TMCC2: variants seen among roughly 807,000 people sequenced by gnomAD.
The protein encoded by TMCC2 is transmembrane and coiled-coil domains protein 2.
In TMCC2, 16 loss-of-function variants were observed where a neutral mutation model predicts 49.4. That is an observed-to-expected ratio of 0.32 (90% CI 0.22 to 0.49). TMCC2 has a LOEUF of 0.49. Among genes scored for constraint, TMCC2 ranks in the 20% least tolerant of loss-of-function variants. The probability of loss-of-function intolerance (pLI) is 0.99; values close to 1 mark genes in which losing one functional copy is unlikely to be tolerated. For missense variants in TMCC2, 762 were observed against 989.8 expected (o/e 0.77, Z 3.09); for synonymous variants, 397 against 434.1 (o/e 0.91, Z 1.06).
chr1:205,243,338 C>A (rs1451130187), intron 2 of TMCC2, among the ~76,000 whole-genome samples: 1 of 151,956 alleles, frequency 6.6e-6, no homozygotes, highest in South Asian at 2.1e-4. Flanking sequence ...GAGCCAAGAT[C>A]GAGCCACTGC....
Position 205,271,135 on chromosome 1 carries a change from G to C in TMCC2, c.1698G>C (p.Glu566Asp). Residue 566 changes from glutamate to aspartate, a missense_variant, in exon 4 of 5, where the codon GAG becomes GAC. By Grantham distance (45) the Glu-to-Asp change is conservative. This residue lies in a region of TMCC2 where 440 missense variants were observed against 636.7 expected (regional missense o/e 0.69). Coordinates refer to ENST00000358024, the MANE Select transcript of TMCC2 (RefSeq NM_014858.4). ...CCTCCGCCAGGTACGAGCGGCTGGA[G>C]GAGCAGCTCAACGACCTGACTGAGC... is the stretch of plus-strand genomic sequence containing the variant. ...QEERYRYERL[E>D]EQLNDLTELH... 2 of 1,612,834 alleles carry C rather than the reference G, an allele frequency of 1.2e-6. No individual in the cohort carries two copies. Among genetic ancestry groups the C allele is most frequent in the Non-Finnish European group, 1.7e-6 (2 of 1,179,938 alleles).
intron 2 of TMCC2, among the ~76,000 whole-genome samples, chr1:205,248,690 A>G (rs1660549938): frequency 1.3e-5 from 2 of 151,592 alleles, no homozygotes; most frequent in Non-Finnish European, 2.9e-5. Context: ...CTCAGAAAAC[A>G]GATGAGGTCC....
rs776269399 is a variant in TMCC2 at position 205,268,859 on chromosome 1, C to T, written c.748-91C>T. On this transcript the variant is annotated intron_variant, in intron 2 of 4. Transcript: ENST00000358024. The stretch of plus-strand genomic sequence containing the variant: ...TCTTTTGGACTCCTGCATCCATTTT[C>T]TAGATAGAAAAACCAAGTCCAGAGG... 3.2e-6 allele frequency: 4 copies of T among 1,268,096 alleles called. No homozygotes were observed. In the African/African-American group the frequency reaches 4.5e-5, roughly 14 times the overall value. 78.6% of individuals were successfully genotyped at this position (1,268,096 alleles called of 1,614,324 possible).
At position 205,228,443 on chromosome 1, in the gene TMCC2, G is replaced by T; in HGVS notation, c.-122G>T. On this transcript the variant is annotated 5_prime_UTR_variant, in exon 1 of 5. Coordinates refer to ENST00000358024, the MANE Select transcript of TMCC2 (RefSeq NM_014858.4). ...TTTTTAATTCAAGAAATTGTGGTCTGCCATCTCCCCTCCTTGTTAATAATT... is the reference window on the plus strand; with the variant it reads ...TTTTTAATTCAAGAAATTGTGGTCTTCCATCTCCCCTCCTTGTTAATAATT... The T allele has an allele frequency of 1.3e-6, 1 of 778,712 alleles. No homozygotes were observed. The allele number at this position is 778,712 out of a possible 1,614,324, so 48.2% of individuals were successfully genotyped here.
intron 1 of TMCC2, among the ~76,000 whole-genome samples, chr1:205,232,127 C>T (rs1214724545): frequency 6.6e-6 from 1 of 152,104 alleles, no homozygotes; most frequent in Non-Finnish European, 1.5e-5. Flanking sequence ...TCTTACTGTA[C>T]ACTGTAAATT....
At chr1:205,237,680 C>T (rs115412353) in intron 1 of TMCC2, among the ~76,000 whole-genome samples, 1,669 of 152,348 alleles carry the variant, frequency 0.011, 30 homozygotes, top group African/African-American at 0.038. Context: ...GAGCAAACTT[C>T]CCCTTTGGGG....
intron 1 of TMCC2, chr1:205,229,154 TGTGTGTGTGTG>T (rs1325595774): frequency 2.4e-4 from 2 of 8,474 alleles, no homozygotes; most frequent in Admixed American, 0.017. Context: ...TTGGGATCTT[TGTGTGTGTGTG>T]TGTGTGTGTG....
chr1:205,243,968 C>A (rs1479065831), intron 2 of TMCC2, among the ~76,000 whole-genome samples: 1 of 152,196 alleles, frequency 6.6e-6, no homozygotes, highest in Non-Finnish European at 1.5e-5. Context: ...AGTAAACTTG[C>A]AGCAAAGCAA....
In TMCC2 at chr1:205,269,633, T is replaced by G; in HGVS notation, c.1431T>G (p.Asp477Glu). 6.2e-7 allele frequency: 1 copy of G among 1,613,698 alleles called. No homozygotes were observed. Among genetic ancestry groups the G allele is most frequent in the Non-Finnish European group, 8.5e-7 (1 of 1,179,930 alleles). ...LVSSPKYGSDDECSSASASSA... is the reference protein window; with the variant it reads ...LVSSPKYGSDEECSSASASSA... Reference sequence around the variant, plus strand: ...CCAGCCCCAAGTATGGCAGCGATGATGAGTGCTCCAGCGCCAGCGCCAGCT... The same window carrying G: ...CCAGCCCCAAGTATGGCAGCGATGAGGAGTGCTCCAGCGCCAGCGCCAGCT... The change falls in exon 3 of 5, where the codon GAT (aspartate) becomes GAG (glutamate). Residue 477 changes from aspartate to glutamate, a missense_variant. This residue lies in a region of TMCC2 where 440 missense variants were observed against 636.7 expected (regional missense o/e 0.69). Transcript: ENST00000358024.
At chr1:205,260,126 C>A (rs1661045712) in intron 2 of TMCC2, among the ~76,000 whole-genome samples, 1 of 152,190 alleles carries the variant, frequency 6.6e-6, no homozygotes, top group Admixed American at 6.5e-5. Context: ...CTTGCCCAGC[C>A]CATTCACAAG....
intron 4 of TMCC2, among the ~76,000 whole-genome samples, chr1:205,271,565 G>A (rs1661594120): frequency 6.6e-6 from 1 of 152,218 alleles, no homozygotes; most frequent in Admixed American, 6.5e-5. Flanking sequence ...GCCTCAAGAG[G>A]GAGCCAGCTG....
At chr1:205,243,462 G>A (rs919213261) in intron 2 of TMCC2, among the ~76,000 whole-genome samples, 1 of 152,236 alleles carries the variant, frequency 6.6e-6, no homozygotes, top group South Asian at 2.1e-4. Flanking sequence ...AGACTTTGGA[G>A]CTAGTGCAGT....
rs1290861119 is a variant in TMCC2 at position 205,272,822 on chromosome 1, C to G, written c.*698C>G. The G allele has an allele frequency of 6.5e-6, 1 of 152,808 alleles. No individual in the cohort carries two copies. The highest frequency in any genetic ancestry group is 1.5e-5 in the Non-Finnish European group (1 of 68,194). The allele number at this position is 152,808 out of a possible 1,614,324, so 9.5% of individuals were successfully genotyped here. A position where few individuals can be genotyped will look rare whatever the true frequency, so the allele number is the denominator to read the frequency against. On this transcript the variant is annotated 3_prime_UTR_variant, in exon 5 of 5. Transcript: ENST00000358024. The stretch of plus-strand genomic sequence containing the variant: ...GATCTGTTATTTTCAGGGAAACAGG[C>G]CCCAGGGCCCCCCTGAGCCTCACCC...
In TMCC2 at chr1:205,273,259, G is replaced by C. The variant is rs1661667971; in HGVS notation, c.*1135G>C. The C allele has an allele frequency of 6.6e-6, 1 of 152,204 alleles. No homozygotes were observed. The highest frequency in any genetic ancestry group is 1.5e-5 in the Non-Finnish European group (1 of 68,054). 9.4% of individuals were successfully genotyped at this position (152,204 alleles called of 1,614,324 possible). A position where few individuals can be genotyped will look rare whatever the true frequency, so the allele number is the denominator to read the frequency against. On this transcript the variant is annotated 3_prime_UTR_variant, in exon 5 of 5. Transcript: ENST00000358024. ...AGGGGATTTCTTGGAAAAGGAGAGA[G>C]GAATCCCCTAGAGCAGGGAAAGCAG...
At position 205,269,904 on chromosome 1, in the gene TMCC2, C is replaced by G. The variant is rs373763172; in HGVS notation, c.1682+20C>G. 1.7e-4 allele frequency: 277 copies of G among 1,597,988 alleles called. No homozygotes were observed. Among genetic ancestry groups the G allele is most frequent in the Non-Finnish European group, 1.3e-4 (156 of 1,170,838 alleles). On this transcript the variant is annotated intron_variant, in intron 3 of 4. Coordinates refer to ENST00000358024, the MANE Select transcript of TMCC2 (RefSeq NM_014858.4). Reference sequence around the variant, plus strand: ...CTACAGGTAGGTGCCTGCCCACCCCCTCCTGCAGCCCAGCCGGACGTGGGA... The same window carrying G: ...CTACAGGTAGGTGCCTGCCCACCCCGTCCTGCAGCCCAGCCGGACGTGGGA...
intron 2 of TMCC2, among the ~76,000 whole-genome samples, chr1:205,249,273 C>T (rs1243619175): frequency 1.3e-5 from 2 of 152,206 alleles, no homozygotes; most frequent in Non-Finnish European, 2.9e-5. Flanking sequence ...GCTCTCCGTC[C>T]ACTCCCACAC....
intron 2 of TMCC2, among the ~76,000 whole-genome samples, chr1:205,251,667 T>G (rs1660674979): frequency 6.6e-6 from 1 of 152,222 alleles, no homozygotes; most frequent in Non-Finnish European, 1.5e-5. Flanking sequence ...GAAGGTAGCT[T>G]CAGATCCAAA....
chr1:205,238,235 T>G (rs1268341451), intron 1 of TMCC2, among the ~76,000 whole-genome samples: 2 of 151,932 alleles, frequency 1.3e-5, no homozygotes, highest in African/African-American at 4.8e-5. Flanking sequence ...GTGTATGTGC[T>G]GAGTTTTTTT....
chr1:205,242,011 C>T lies in TMCC2; in HGVS notation c.714C>T (p.Leu238=), dbSNP rs202084099. The change falls in exon 2 of 5, where the codon CTC becomes CTT. Residue 238 remains leucine (L), a synonymous_variant. Transcript: ENST00000358024. ...TGGCCGACGGCAGCAACGTGTACCT[C>T]CTGGCTGAGGAGGCCGAAGGCATCG... ...LLLADGSNVY[L]LAEEAEGIGD... is the part of the protein sequence containing the mutation. The T allele has an allele frequency of 5.1e-4, 812 of 1,604,348 alleles. 11 individuals are homozygous for T. In the South Asian group the frequency reaches 8.4e-3, roughly 17 times the overall value.
Sources: gnomAD v4.1 joint callset for allele counts (sites outside exome capture counted in the v4.1 genomes callset) on GRCh38, gnomAD v4.1.1 for gene constraint, gnomAD v4.1.1 regional missense constraint, MANE v1.5 for transcripts, NCBI Gene and HGNC (gene_info 2026-07-23, HGNC 2026-07-21) for gene names.